MELTF: variants seen among roughly 807,000 people sequenced by gnomAD.
The protein encoded by MELTF is antigen p97 (melanoma associated) identified by monoclonal antibodies 133.2 and 96.5.
A neutral mutation model predicts 83.7 loss-of-function variants in MELTF; 67 were observed. That is an observed-to-expected ratio of 0.80 (90% CI 0.66 to 0.98). The LOEUF (loss-of-function observed/expected upper bound fraction) is 0.98. Among genes scored for constraint, MELTF ranks in the 50% least tolerant of loss-of-function variants. The pLI, the probability that MELTF is intolerant of heterozygous loss-of-function variation, is 0.00. For synonymous variants in MELTF, 462 were observed against 447.6 expected, an observed-to-expected ratio of 1.03 and a Z score of -0.41; for missense variants, 1,002 against 1,035.6, an observed-to-expected ratio of 0.97 and a Z score of 0.44.
At chr3:197,017,681 T>TC (rs1719441725) in intron 6 of MELTF, among the ~76,000 whole-genome samples, 1 of 152,054 alleles carries the variant, frequency 6.6e-6, no homozygotes, top group South Asian at 2.1e-4. Context: ...ATCAAGACCA[T>TC]CCTGGCTAAC....
intron 9 of MELTF, among the ~76,000 whole-genome samples, chr3:197,012,788 T>C (rs1310624771): frequency 6.6e-6 from 1 of 152,226 alleles, no homozygotes; most frequent in Non-Finnish European, 1.5e-5. Context: ...ATCAGGCCAG[T>C]GTTTCTAGCT....
chr3:197,027,527 G>A (rs1719904342), intron 2 of MELTF, among the ~76,000 whole-genome samples: 1 of 152,274 alleles, frequency 6.6e-6, no homozygotes, highest in African/African-American at 2.4e-5. Flanking sequence ...CCTCTCAGGT[G>A]CCTTTCTTTG....
intron 4 of MELTF, among the ~76,000 whole-genome samples, chr3:197,023,597 C>A (rs931578933): frequency 1.3e-5 from 2 of 152,186 alleles, no homozygotes; most frequent in Non-Finnish European, 2.9e-5. Context: ...TCCGGCCCTG[C>A]CAGCACCAAA....
Position 197,016,385 on chromosome 3 carries a change from T to C in MELTF, c.901-16A>G. On this transcript the variant is annotated splice_polypyrimidine_tract_variant and intron_variant, in intron 7 of 15. Coordinates refer to ENST00000296350, the MANE Select transcript of MELTF (RefSeq NM_005929.6). ...TGAACAGACGCTGTGTGTCAAGGGG[T>C]GTGGTACAGGGTGGTGAGGGTGCTG... The C allele has an allele frequency of 6.4e-7, 1 of 1,563,868 alleles. No homozygotes were observed. Among genetic ancestry groups the C allele is most frequent in the Non-Finnish European group, 8.7e-7 (1 of 1,154,378 alleles).
chr3:197,019,652 T>A, intron 6 of MELTF: 1 of 1,612,686 alleles, frequency 6.2e-7, no homozygotes. Flanking sequence ...AATTCTCCTT[T>A]GTCAGACTCG....
At chr3:197,005,266 G>A (rs930402893) in intron 14 of MELTF, among the ~76,000 whole-genome samples, 1 of 152,214 alleles carries the variant, frequency 6.6e-6, no homozygotes. Flanking sequence ...AATGACTCCC[G>A]AGGAAATGGA....
chr3:197,023,488 T>C (rs931479709), intron 4 of MELTF, among the ~76,000 whole-genome samples: 1 of 152,200 alleles, frequency 6.6e-6, no homozygotes, highest in African/African-American at 2.4e-5. Flanking sequence ...AGATCACTGA[T>C]GGGTAGACAA....
intron 10 of MELTF, among the ~76,000 whole-genome samples, chr3:197,010,235 CCAAAG>C (rs1719139525): frequency 6.6e-6 from 1 of 152,196 alleles, no homozygotes; most frequent in Non-Finnish European, 1.5e-5. Flanking sequence ...AGGACAGAGG[CCAAAG>C]CCCCAGCCCA....
intron 8 of MELTF, among the ~76,000 whole-genome samples, chr3:197,015,837 G>A (rs747571024): frequency 2.6e-5 from 4 of 152,294 alleles, no homozygotes; most frequent in East Asian, 1.9e-4. Context: ...TGGCACCTGC[G>A]CCAGGGCTGT....
At chr3:197,015,233 C>G in intron 9 of MELTF, 132 bp downstream of exon 9, 2 of 1,169,032 alleles carry the variant, frequency 1.7e-6, no homozygotes, top group East Asian at 5.2e-5. Flanking sequence ...CTCCTCCCCA[C>G]CCGTCTCTGT....
rs1560212423 is a variant in MELTF, at chr3:197,009,613, G to A, written c.1525+5C>T. 1.3e-6 allele frequency: 2 copies of A among 1,597,830 alleles called. No individual in the cohort carries two copies. Among genetic ancestry groups the A allele is most frequent in the South Asian group, 1.1e-5 (1 of 90,788 alleles). ...CAGTCTGCGTTCCTAAAAAGGGGGG[G>A]GTACCTGTGAGGACGTCACAGTCCT... On this transcript the variant is annotated splice_donor_5th_base_variant and intron_variant, in intron 11 of 15. Transcript: ENST00000296350.
Position 197,026,525 on chromosome 3 carries a change from G to A in MELTF, c.304+135C>T, listed in dbSNP as rs964852911. On this transcript the variant is annotated intron_variant, in intron 3 of 15. Coordinates refer to ENST00000296350, the MANE Select transcript of MELTF (RefSeq NM_005929.6). ...GGGGAATTTGAGAGAGCCTTAGGGC[G>A]TTCTTCTGGCTGGGACTCCAGGACT... is the stretch of plus-strand genomic sequence containing the variant. 57 of 728,486 alleles carry A rather than the reference G, an allele frequency of 7.8e-5. 1 individual carries two copies. Among genetic ancestry groups the A allele is most frequent in the Middle Eastern group, 4.7e-4 (2 of 4,272 alleles). The allele number at this position is 728,486 out of a possible 1,614,324, so 45.1% of individuals were successfully genotyped here. A position where few individuals can be genotyped will look rare whatever the true frequency, so the allele number is the denominator to read the frequency against.
chr3:197,009,879 C>T (rs1051165714), intron 10 of MELTF, 67 bp from the exon 11 acceptor site: 1 of 1,423,062 alleles, frequency 7.0e-7, no homozygotes, highest in Non-Finnish European at 9.8e-7. Context: ...CTGGGGGGGT[C>T]CTTCCTTCAA....
rs1386189831 is a variant in MELTF, at chr3:197,003,685, A to T, written c.2137+216T>A. 1 of 668,614 alleles carries T rather than the reference A, an allele frequency of 1.5e-6. No homozygotes were observed. Among genetic ancestry groups the T allele is most frequent in the Non-Finnish European group, 2.5e-6 (1 of 402,220 alleles). 41.4% of individuals were successfully genotyped at this position (668,614 alleles called of 1,614,324 possible). A position where few individuals can be genotyped will look rare whatever the true frequency, so the allele number is the denominator to read the frequency against. On this transcript the variant is annotated intron_variant, in intron 15 of 15. Coordinates refer to ENST00000296350, the MANE Select transcript of MELTF (RefSeq NM_005929.6). The surrounding 1 kb of genome is among the most constrained non-coding windows in gnomAD (Gnocchi z 6.2). ...CCGCGCCGCCGTTTTGAGCGTTCACACTCATTACCCAGGTCCGTCTGGGAG... is the reference window on the plus strand; with the variant it reads ...CCGCGCCGCCGTTTTGAGCGTTCACTCTCATTACCCAGGTCCGTCTGGGAG...
At chr3:197,018,208 C>T (rs1269514691) in intron 6 of MELTF, among the ~76,000 whole-genome samples, 1 of 152,250 alleles carries the variant, frequency 6.6e-6, no homozygotes, top group Admixed American at 6.5e-5. Context: ...AGTGCAGTGG[C>T]ACGATCTCGG....
In MELTF at chr3:197,008,842, T is replaced by A; in HGVS notation, c.1649A>T (p.Gln550Leu). Reference sequence around the variant, plus strand: ...GCCGCGGTAGCCGTAATACCGCTCCTGGCTGTTGCCCACACACTTGTTGCG... The same window carrying A: ...GCCGCGGTAGCCGTAATACCGCTCCAGGCTGTTGCCCACACACTTGTTGCG... The part of the protein sequence containing the change: ...QGRNKCVGNS[Q>L]ERYYGYRGAF... The change falls in exon 12 of 16, where the codon CAG (glutamine) becomes CTG (leucine). Residue 550 changes from glutamine (Q) to leucine (L), a missense_variant. Gln to Leu is a moderately radical substitution (Grantham distance 113, BLOSUM62 -2). Coordinates refer to ENST00000296350, the MANE Select transcript of MELTF (RefSeq NM_005929.6). The surrounding 1 kb of genome is among the most constrained non-coding windows in gnomAD (Gnocchi z 5.4). 1 of 1,614,144 alleles carries A rather than the reference T, an allele frequency of 6.2e-7. No individual in the cohort carries two copies. Among genetic ancestry groups the A allele is most frequent in the Non-Finnish European group, 8.5e-7 (1 of 1,180,026 alleles).
intron 6 of MELTF, among the ~76,000 whole-genome samples, chr3:197,020,489 GCA>G (rs57202737): frequency 6.0e-4 from 90 of 149,322 alleles, no homozygotes; most frequent in African/African-American, 1.5e-3. Context: ...GAACACACAC[GCA>G]CACACACACA....
At position 197,008,619 on chromosome 3, in the gene MELTF, C is replaced by T; in HGVS notation, c.1750+38G>A. On this transcript the variant is annotated intron_variant, in intron 13 of 15. Transcript: ENST00000296350. This position sits in a 1 kb window ranked among gnomAD's most constrained non-coding sequence, Gnocchi z 5.4. ...GGTGCTGAAGATGGGGAACAGTCCC[C>T]CCGACCTACCTTTGGCCCTGCTCTT... 1 of 1,596,134 alleles carries T rather than the reference C, an allele frequency of 6.3e-7. No individual in the cohort carries two copies. Among genetic ancestry groups the T allele is most frequent in the Non-Finnish European group, 8.6e-7 (1 of 1,169,086 alleles).
At position 197,023,133 on chromosome 3, in the gene MELTF, A is replaced by G; in HGVS notation, c.488-20T>C. ...TGACAGCTGTGGGAAGGAGGTAGAG[A>G]GGTCACTCAGCAGAACTTTCTTCAG... is the stretch of plus-strand genomic sequence containing the variant. On this transcript the variant is annotated intron_variant, in intron 4 of 15. Transcript: ENST00000296350. The G allele has an allele frequency of 2.5e-6, 4 of 1,612,838 alleles. No homozygotes were observed. Among genetic ancestry groups the G allele is most frequent in the South Asian group, 1.1e-5 (1 of 91,024 alleles).
Sources: gnomAD v4.1 joint callset for allele counts (sites outside exome capture counted in the v4.1 genomes callset) on GRCh38, gnomAD v4.1.1 for gene constraint, Gnocchi (gnomAD v3.1) non-coding constraint, MANE v1.5 for transcripts, NCBI Gene and HGNC (gene_info 2026-07-23, HGNC 2026-07-21) for gene names.